The following TAFA2 variants were observed in gnomAD, a reference collection of about 807,000 sequenced individuals.
TAFA2 encodes the protein chemokine-like protein TAFA-2.
Under a neutral mutation model 18.8 loss-of-function variants are expected in TAFA2, and 7 were observed. The observed-to-expected ratio is 0.37, with a 90% CI of 0.21 to 0.70. The LOEUF is 0.70. Among genes scored for constraint, TAFA2 ranks in the 30% least tolerant of loss-of-function variants. TAFA2 has a pLI of 0.53. For synonymous variants in TAFA2, 60 were observed against 54.2 expected (o/e 1.11, Z -0.47); for missense variants, 122 against 158.1 (o/e 0.77, Z 1.23).
At chr12:61,983,587 T>C (rs1430994359) in intron 1 of TAFA2, among the ~76,000 whole-genome samples, 1 of 152,106 alleles carries the variant, frequency 6.6e-6, no homozygotes, top group Non-Finnish European at 1.5e-5. Flanking sequence ...TTTGTATTTT[T>C]AGTACAGACG....
intron 2 of TAFA2, among the ~76,000 whole-genome samples, chr12:61,854,962 A>G (rs1282070105): frequency 6.6e-6 from 1 of 152,200 alleles, no homozygotes; most frequent in Non-Finnish European, 1.5e-5. Flanking sequence ...TAGTGAAGAG[A>G]GATCCCAGGA....
intron 1 of TAFA2, among the ~76,000 whole-genome samples, chr12:61,886,454 CA>C (rs943009660): frequency 1.3e-5 from 2 of 152,162 alleles, no homozygotes; most frequent in African/African-American, 4.8e-5. Context: ...AACGTTTCTT[CA>C]CACTGATTTC....
chr12:61,854,075 A>C (rs191547705), intron 2 of TAFA2, among the ~76,000 whole-genome samples: 229 of 152,332 alleles, frequency 1.5e-3, no homozygotes, highest in African/African-American at 5.2e-3. Flanking sequence ...ATTTCAGAGT[A>C]GACAGTTTGG....
intron 1 of TAFA2, among the ~76,000 whole-genome samples, chr12:62,174,754 G>T (rs115716411): frequency 0.02 from 3,030 of 152,068 alleles, 98 homozygotes; most frequent in African/African-American, 0.069. Context: ...ATCTTTACAC[G>T]GCTCTAAATA....
intron 2 of TAFA2, among the ~76,000 whole-genome samples, chr12:61,862,169 C>A (rs1310524131): frequency 6.6e-6 from 1 of 152,192 alleles, no homozygotes; most frequent in East Asian, 1.9e-4. Flanking sequence ...AACTTGGAAT[C>A]CTAAACTAAA....
intron 1 of TAFA2, among the ~76,000 whole-genome samples, chr12:61,955,105 A>C (rs1331638346): frequency 2.6e-5 from 4 of 152,148 alleles, no homozygotes; most frequent in African/African-American, 9.7e-5. Context: ...AAAAATGTTG[A>C]GTCTTAAATT....
chr12:61,938,468 G>C (rs935817136), intron 1 of TAFA2, among the ~76,000 whole-genome samples: 1 of 152,092 alleles, frequency 6.6e-6, no homozygotes, highest in East Asian at 1.9e-4. Context: ...GAGCCTACTT[G>C]AGGGTGGAGA....
At chr12:61,819,668 C>T (rs1872238890) in intron 2 of TAFA2, among the ~76,000 whole-genome samples, 1 of 152,028 alleles carries the variant, frequency 6.6e-6, no homozygotes, top group Non-Finnish European at 1.5e-5. Flanking sequence ...ATTAAGAATC[C>T]AAAATTCCAC....
At chr12:62,135,899 T>C (rs1361222016) in intron 1 of TAFA2, 2 of 152,142 alleles carry the variant, frequency 1.3e-5, no homozygotes, top group African/African-American at 4.8e-5. Context: ...AAATCATACA[T>C]GTATAGAAGA....
At chr12:62,046,541 A>G (rs1420733837) in intron 1 of TAFA2, among the ~76,000 whole-genome samples, 1 of 152,104 alleles carries the variant, frequency 6.6e-6, no homozygotes, top group African/African-American at 2.4e-5. Context: ...TGAAGCTTTA[A>G]ATGCCCTGAT....
At chr12:61,988,757 C>T (rs189141369) in intron 1 of TAFA2, among the ~76,000 whole-genome samples, 43 of 152,268 alleles carry the variant, frequency 2.8e-4, no homozygotes, top group African/African-American at 1.0e-3. Flanking sequence ...TCCAGTACCC[C>T]TGCAAACATA....
intron 1 of TAFA2, among the ~76,000 whole-genome samples, chr12:62,133,478 G>A (rs1371258223): frequency 6.6e-6 from 1 of 151,206 alleles, no homozygotes; most frequent in Non-Finnish European, 1.5e-5. Context: ...TCAAAGAAGA[G>A]GAAAGAACTA....
At chr12:62,011,649 C>T (rs1425427555) in intron 1 of TAFA2, among the ~76,000 whole-genome samples, 1 of 151,830 alleles carries the variant, frequency 6.6e-6, no homozygotes, top group African/African-American at 2.4e-5. Context: ...AAACCAGAGA[C>T]CTATGTTCAT....
intron 1 of TAFA2, among the ~76,000 whole-genome samples, chr12:62,248,782 CTAACT>C (rs1270650475): frequency 2.0e-5 from 3 of 152,106 alleles, no homozygotes; most frequent in Admixed American, 6.6e-5. Context: ...ATAAAATTTA[CTAACT>C]TAAACATTTT....
intron 1 of TAFA2, among the ~76,000 whole-genome samples, chr12:62,097,529 A>G (rs1298810576): frequency 6.6e-6 from 1 of 152,132 alleles, no homozygotes; most frequent in Non-Finnish European, 1.5e-5. Flanking sequence ...CATGGCTTGT[A>G]GGTCATGTTA....
At chr12:62,197,696 T>G (rs1418002473), upstream of TAFA2, among the ~76,000 whole-genome samples, 8 of 152,340 alleles carry the variant, frequency 5.3e-5, no homozygotes, top group Non-Finnish European at 1.2e-4. Flanking sequence ...AATTGAATAG[T>G]ATTTTATGTG....
chr12:61,928,736 T>A (rs1195445367), intron 1 of TAFA2, among the ~76,000 whole-genome samples: 1 of 152,142 alleles, frequency 6.6e-6, no homozygotes, highest in Non-Finnish European at 1.5e-5. Context: ...TACAGCACTA[T>A]TTACAATAGC....
At chr12:62,081,027 T>C (rs1868314515) in intron 1 of TAFA2, among the ~76,000 whole-genome samples, 1 of 152,138 alleles carries the variant, frequency 6.6e-6, no homozygotes, top group South Asian at 2.1e-4. Flanking sequence ...ACCCTGTCTC[T>C]ACGAAAAGAC....
chr12:61,811,676 G>A (rs1329255257), intron 2 of TAFA2, among the ~76,000 whole-genome samples: 1 of 151,326 alleles, frequency 6.6e-6, no homozygotes, highest in Non-Finnish European at 1.5e-5. Context: ...TTAGCAGGGA[G>A]TCAGAGCATA....
Sources: allele counts gnomAD v4.1 joint callset (sites outside exome capture counted in the v4.1 genomes callset), GRCh38; gene constraint gnomAD v4.1.1; transcripts MANE v1.5; gene names NCBI Gene and HGNC (gene_info 2026-07-23, HGNC 2026-07-21).